ABCB1: variants seen among roughly 807,000 people sequenced by gnomAD.
The protein encoded by ABCB1 is ATP-dependent translocase ABCB1.
ABCB1 carries 69 observed loss-of-function variants against 142.0 expected under a neutral mutation model. That is an observed-to-expected ratio of 0.49 (90% CI 0.40 to 0.59). The LOEUF (loss-of-function observed/expected upper bound fraction) is 0.59, where lower values mean the gene tolerates loss of function less well. ABCB1 is among the 20% of genes least tolerant of loss of function. The pLI, the probability that ABCB1 is intolerant of heterozygous loss-of-function variation, is 0.00. For missense variants in ABCB1, 1,326 were observed against 1,554.7 expected (o/e 0.85, Z 2.47); for synonymous variants, 532 against 539.2 (o/e 0.99, Z 0.18).
intron 5 of ABCB1, among the ~76,000 whole-genome samples, chr7:87,569,454 T>C (rs1817943135): frequency 6.6e-6 from 1 of 152,174 alleles, no homozygotes; most frequent in South Asian, 2.1e-4. Context: ...TATAAGCTGT[T>C]CTGGAGAATA....
At chr7:87,584,329 A>G (rs1311073083) in intron 4 of ABCB1, among the ~76,000 whole-genome samples, 2 of 152,204 alleles carry the variant, frequency 1.3e-5, no homozygotes, top group Non-Finnish European at 2.9e-5. Context: ...TTCATCAGAA[A>G]CTTGAAAGTT....
Position 87,593,034 on chromosome 7 carries a change from C to A in ABCB1, c.117+2732G>T, listed in dbSNP as rs745924458. The stretch of plus-strand genomic sequence containing the variant: ...CTCCACCTCCTGGGTTCAAGTGATC[C>A]TCCCACCTCAGCCTCCCGAGTAGCT... On this transcript the variant is annotated intron_variant, in intron 3 of 27. Transcript: ENST00000622132. Among the ~76,000 whole-genome samples, 70 of 151,710 alleles carry A rather than the reference C, an allele frequency of 4.6e-4. 1 individual carries two copies. The highest frequency in any genetic ancestry group is 7.6e-4 in the Non-Finnish European group (52 of 67,986).
chr7:87,518,560 T>C (rs1343939931), intron 23 of ABCB1, among the ~76,000 whole-genome samples: 5 of 152,170 alleles, frequency 3.3e-5, no homozygotes, highest in Non-Finnish European at 7.4e-5. Context: ...AACAACTCAA[T>C]GTTTAAAAAG....
At chr7:87,693,676 GAC>G (rs1353134974) in intron 1 of ABCB1, among the ~76,000 whole-genome samples, 1 of 152,156 alleles carries the variant, frequency 6.6e-6, no homozygotes, top group Non-Finnish European at 1.5e-5. Flanking sequence ...TTGACTTACA[GAC>G]ACCTTAGCCT....
chr7:87,551,639 T>C (rs966934763), intron 9 of ABCB1, among the ~76,000 whole-genome samples: 1 of 149,810 alleles, frequency 6.7e-6, no homozygotes, highest in Non-Finnish European at 1.5e-5. Flanking sequence ...TACAGACAAG[T>C]GCCACCATAT....
intron 1 of ABCB1, among the ~76,000 whole-genome samples, chr7:87,638,790 G>A (rs2130268624): frequency 6.6e-6 from 1 of 152,066 alleles, no homozygotes; most frequent in South Asian, 2.1e-4. Context: ...GTTTGACTTT[G>A]TTGAGTTTCT....
At chr7:87,565,397 AATAAGTTTTAAAAG>A in intron 7 of ABCB1, 1 of 427,086 alleles carries the variant, frequency 2.3e-6, no homozygotes, top group South Asian at 1.7e-5. Flanking sequence ...TGAAATGGAA[AATAAGTTTTAAAAG>A]ATCACTGGAA....
intron 1 of ABCB1, chr7:87,628,899 G>A (rs767918635): frequency 2.4e-5 from 31 of 1,305,490 alleles, no homozygotes; most frequent in Admixed American, 1.3e-4. Flanking sequence ...AAGCCTGAGC[G>A]CCCGCAATGC....
intron 1 of ABCB1, among the ~76,000 whole-genome samples, chr7:87,610,232 CTTTTTTTTTTT>C (rs914468581): frequency 5.1e-5 from 6 of 117,040 alleles, no homozygotes; most frequent in South Asian, 2.8e-4. Flanking sequence ...CTTTTTCTTT[CTTTTTTTTTTT>C]TTTTTTTTTT....
At chr7:87,536,737 C>A (rs1404095581) in intron 19 of ABCB1, among the ~76,000 whole-genome samples, 196 bp from the exon 20 acceptor site, 2 of 152,190 alleles carry the variant, frequency 1.3e-5, no homozygotes, top group Non-Finnish European at 2.9e-5. Context: ...AGAAAAATTT[C>A]TGAGTGCCTA....
chr7:87,522,790 GTTT>G (rs922356325), intron 21 of ABCB1, among the ~76,000 whole-genome samples: 1 of 151,098 alleles, frequency 6.6e-6, no homozygotes, highest in South Asian at 2.1e-4. Context: ...TTTCCATATT[GTTT>G]TTTTCCTAAG....
Position 87,503,864 on chromosome 7 carries a change from C to T in ABCB1, c.*379G>A, listed in dbSNP as rs887308819. On this transcript the variant is annotated 3_prime_UTR_variant, in exon 28 of 28. Transcript: ENST00000622132. ...GCAGTTTGGACAAGATGACTCCAGT[C>T]ACATGAAAGTTTAGTTTTATTATAG... 2 of 262,534 alleles carry T rather than the reference C, an allele frequency of 7.6e-6. No homozygotes were observed. Among genetic ancestry groups the T allele is most frequent in the African/African-American group, 2.2e-5 (1 of 44,584 alleles). The allele number at this position is 262,534 out of a possible 1,614,324, so 16.3% of individuals were successfully genotyped here.
intron 24 of ABCB1, 137 bp downstream of exon 24, chr7:87,516,372 T>C: frequency 1.8e-6 from 2 of 1,104,374 alleles, no homozygotes; most frequent in Admixed American, 3.8e-5. Context: ...TTAGCAGTAA[T>C]TGAAAGGAAT....
In ABCB1 at chr7:87,536,484, C is replaced by A. The variant is rs200754866; in HGVS notation, c.2455G>T (p.Ala819Ser). 11 of 1,613,772 alleles carry A rather than the reference C, an allele frequency of 6.8e-6. No homozygotes were observed. The East Asian group carries it at 2.2e-4, about 33-fold the overall frequency. ...CCTTTAACTTGAGCAGCATCATTGG[C>A]GAGCCTGGTAGTCAATGCTCCAGTG... ...NTTGALTTRL[A>S]NDAAQVKGAI... Residue 819 changes from alanine to serine, a missense_variant, in exon 20 of 28, where the codon GCC becomes TCC. Ala to Ser is a moderately conservative substitution (Grantham distance 99, BLOSUM62 1). Coordinates refer to ENST00000622132, the MANE Select transcript of ABCB1 (RefSeq NM_001348946.2).
intron 1 of ABCB1, among the ~76,000 whole-genome samples, chr7:87,703,329 G>T (rs1035350455): frequency 6.6e-6 from 1 of 151,710 alleles, no homozygotes; most frequent in Non-Finnish European, 1.5e-5. Flanking sequence ...TTGTAAGCAC[G>T]AACTGAGTAT....
At chr7:87,628,247 C>G (rs1584938865) in intron 1 of ABCB1, among the ~76,000 whole-genome samples, 1 of 152,210 alleles carries the variant, frequency 6.6e-6, no homozygotes, top group Admixed American at 6.5e-5. Flanking sequence ...TGACAGCAGC[C>G]CACGCGTCGG....
At chr7:87,609,034 T>C (rs1224078106) in intron 1 of ABCB1, among the ~76,000 whole-genome samples, 1 of 152,202 alleles carries the variant, frequency 6.6e-6, no homozygotes, top group Non-Finnish European at 1.5e-5. Flanking sequence ...CAAAAATCCC[T>C]GCCTAGGTAG....
At chr7:87,705,753 G>A (rs746106435) in intron 1 of ABCB1, among the ~76,000 whole-genome samples, 5 of 151,906 alleles carry the variant, frequency 3.3e-5, no homozygotes, top group Non-Finnish European at 5.9e-5. Flanking sequence ...CCCATCTTCC[G>A]CATCTGCTCT....
chr7:87,609,554 G>T (rs1402380815), intron 1 of ABCB1, among the ~76,000 whole-genome samples: 1 of 152,146 alleles, frequency 6.6e-6, no homozygotes, highest in Non-Finnish European at 1.5e-5. Context: ...TTGACAGGAG[G>T]ATTCTAACAG....
Sources: allele counts gnomAD v4.1 joint callset (sites outside exome capture counted in the v4.1 genomes callset), GRCh38; gene constraint gnomAD v4.1.1; transcripts MANE v1.5; gene names NCBI Gene and HGNC (gene_info 2026-07-23, HGNC 2026-07-21).